Variants in CCNA1 observed in about 807,000 individuals in gnomAD.
CCNA1 encodes cyclin A1.
A neutral mutation model predicts 54.1 loss-of-function variants in CCNA1; 23 were observed. That is an observed-to-expected ratio of 0.42 (90% CI 0.31 to 0.60). The LOEUF (loss-of-function observed/expected upper bound fraction) is 0.60, where lower values mean the gene tolerates loss of function less well. CCNA1 is among the 20% of genes least tolerant of loss of function. The probability of loss-of-function intolerance (pLI) is 0.14; values close to 1 mark genes in which losing one functional copy is unlikely to be tolerated. For missense variants in CCNA1, 450 were observed against 556.7 expected, an observed-to-expected ratio of 0.81 and a Z score of 1.93; for synonymous variants, 208 against 213.9, an observed-to-expected ratio of 0.97 and a Z score of 0.24.
intron 4 of CCNA1, 102 bp downstream of exon 4, chr13:36,438,293 T>C (rs2055832522): frequency 1.0e-6 from 1 of 972,294 alleles, no homozygotes; most frequent in Non-Finnish European, 1.5e-6. Flanking sequence ...ATGGCACTCT[T>C]ATGCCAGCTA....
chr13:36,434,958 T>G (rs1430857817), intron 2 of CCNA1, among the ~76,000 whole-genome samples: 1 of 152,114 alleles, frequency 6.6e-6, no homozygotes, highest in Non-Finnish European at 1.5e-5. Flanking sequence ...CATACAAATA[T>G]ATTGCCATTT....
chr13:36,432,802 T>C, intron 1 of CCNA1, 73 bp downstream of exon 1: 2 of 1,153,304 alleles, frequency 1.7e-6, no homozygotes, highest in East Asian at 2.5e-5. Flanking sequence ...ACACGAAGTC[T>C]TGGGATAAAA....
At chr13:36,436,926 A>G (rs895475063) in intron 2 of CCNA1, among the ~76,000 whole-genome samples, 1 of 152,216 alleles carries the variant, frequency 6.6e-6, no homozygotes, top group Non-Finnish European at 1.5e-5. Flanking sequence ...CATTCATGCC[A>G]TCTGGCATGG....
At position 36,440,120 on chromosome 13, in the gene CCNA1, C is replaced by T. The variant is rs199981149; in HGVS notation, c.1035C>T (p.Asn345=). The stretch of plus-strand genomic sequence containing the variant: ...TTGATCTGACAGTACCAACCACCAA[C>T]CAGTTTCTCCTTCAGTACTTGAGGC... The change falls in exon 6 of 9, where the codon AAC becomes AAT. Residue 345 remains asparagine, a synonymous_variant. Transcript: ENST00000255465. 6.2e-7 allele frequency: 1 copy of T among 1,614,014 alleles called. No homozygotes were observed. The highest frequency in any genetic ancestry group is 1.3e-5 in the African/African-American group (1 of 74,938).
rs1235851492 is a variant in CCNA1 at position 36,440,188 on chromosome 13, G to A, written c.1098+5G>A. The A allele has an allele frequency of 6.2e-7, 1 of 1,612,180 alleles. No individual in the cohort carries two copies. Among genetic ancestry groups the A allele is most frequent in the Non-Finnish European group, 8.5e-7 (1 of 1,178,492 alleles). On this transcript the variant is annotated splice_donor_5th_base_variant and intron_variant, in intron 6 of 8. Transcript: ENST00000255465. ...AGGACTGAGAACCTGGCTAAGGTGT[G>A]TATGCCGCGTGATTTCTAGGAACTT...
At chr13:36,432,185 C>T (rs1248428028), upstream of CCNA1, 2 of 160,640 alleles carry the variant, frequency 1.2e-5, no homozygotes, top group Non-Finnish European at 2.7e-5. Flanking sequence ...GTCGCCATGG[C>T]GATGCGGCCC....
At chr13:36,436,040 C>A (rs143532527) in intron 2 of CCNA1, among the ~76,000 whole-genome samples, 25 of 152,288 alleles carry the variant, frequency 1.6e-4, no homozygotes, top group African/African-American at 5.8e-4. Context: ...TCATGGTTTA[C>A]AATTACTTCC....
chr13:36,442,700 C>T lies in CCNA1; in HGVS notation c.*35C>T. Reference sequence around the variant, plus strand: ...TGGAAGCACTTCCAGAACTTCACCTCCATATCAGAAGTGCCAATAATCGTC... The same window carrying T: ...TGGAAGCACTTCCAGAACTTCACCTTCATATCAGAAGTGCCAATAATCGTC... On this transcript the variant is annotated 3_prime_UTR_variant, in exon 9 of 9. Transcript: ENST00000255465. 6.3e-7 allele frequency: 1 copy of T among 1,578,190 alleles called. No homozygotes were observed. The highest frequency in any genetic ancestry group is 8.7e-7 in the Non-Finnish European group (1 of 1,148,204).
At chr13:36,433,278 G>A (rs1339243879) in intron 2 of CCNA1, 57 bp downstream of exon 2, 1 of 1,425,292 alleles carries the variant, frequency 7.0e-7, no homozygotes, top group Non-Finnish European at 9.5e-7. Flanking sequence ...TCCTGCTTTG[G>A]TGCCAGGTGC....
In CCNA1 at chr13:36,437,646, G is replaced by A. The variant is rs772777206; in HGVS notation, c.315G>A (p.Arg105=). 190 of 1,613,864 alleles carry A rather than the reference G, an allele frequency of 1.2e-4. No homozygotes were observed. Among genetic ancestry groups the A allele is most frequent in the Non-Finnish European group, 1.5e-4 (182 of 1,179,914 alleles). ...TTTTTTAGGGGATCACAAGAATCAG[G>A]TGTTATTCTGGATCAGAAAATGCCT... Residue 105 remains arginine, a synonymous_variant, in exon 3 of 9, where the codon AGG becomes AGA. Coordinates refer to ENST00000255465, the MANE Select transcript of CCNA1 (RefSeq NM_003914.4).
At chr13:36,441,283 C>A in intron 7 of CCNA1, 52 bp downstream of exon 7, 1 of 1,136,992 alleles carries the variant, frequency 8.8e-7, no homozygotes, top group Non-Finnish European at 1.3e-6. Context: ...CTAGAATGGG[C>A]TTGCCTCTTA....
At chr13:36,437,552 G>T in intron 2 of CCNA1, 77 bp from the exon 3 acceptor site, 2 of 1,385,992 alleles carry the variant, frequency 1.4e-6, no homozygotes, top group Non-Finnish European at 2.0e-6. Context: ...CCAGGCTGTT[G>T]GTTTGAGTCA....
rs947316 is a variant in CCNA1, at chr13:36,440,375, A to G, written c.1098+192A>G. On this transcript the variant is annotated intron_variant, in intron 6 of 8. Transcript: ENST00000255465. The stretch of plus-strand genomic sequence containing the variant: ...GTTATAAGGCATTACTATTGACTAT[A>G]TTTGGCAGGCACGGGTTGTCTAATC... Among the ~76,000 whole-genome samples the G allele has an allele frequency of 6.9e-3, 1,048 of 152,276 alleles. 15 individuals are homozygous for G. The highest frequency in any genetic ancestry group is 0.024 in the African/African-American group (980 of 41,540).
chr13:36,438,229 C>A, intron 4 of CCNA1, 38 bp downstream of exon 4: 1 of 1,580,030 alleles, frequency 6.3e-7, no homozygotes, highest in South Asian at 1.2e-5. Context: ...CTTCAGGACC[C>A]GAGCTCTTAT....
chr13:36,433,431 T>G (rs776839195), intron 2 of CCNA1, among the ~76,000 whole-genome samples: 2,033 of 94,546 alleles, frequency 0.022, 114 homozygotes, highest in African/African-American at 0.072. Context: ...TCTTTCTTTC[T>G]TTCTTTCTTT....
chr13:36,432,991 G>A, intron 1 of CCNA1, 42 bp from the exon 2 acceptor site: 1 of 1,576,234 alleles, frequency 6.3e-7, no homozygotes, highest in Non-Finnish European at 8.6e-7. Context: ...CGGGGTGGAC[G>A]GAATCGACTA....
intron 8 of CCNA1, 69 bp from the exon 9 acceptor site, chr13:36,442,545 C>T: frequency 6.6e-7 from 1 of 1,520,600 alleles, no homozygotes; most frequent in Non-Finnish European, 9.1e-7. Context: ...GGAAAGTTTT[C>T]TGTGACCTGA....
intron 2 of CCNA1, among the ~76,000 whole-genome samples, chr13:36,433,537 CT>C (rs1339300389): frequency 1.5e-4 from 16 of 104,660 alleles, no homozygotes; most frequent in Admixed American, 1.1e-4. Flanking sequence ...CTTTCCTTTC[CT>C]TTCCTTCTTT....
chr13:36,440,141 G>C lies in CCNA1; in HGVS notation c.1056G>C (p.Leu352Phe). 6.2e-7 allele frequency: 1 copy of C among 1,614,078 alleles called. No homozygotes were observed. Among genetic ancestry groups the C allele is most frequent in the Non-Finnish European group, 8.5e-7 (1 of 1,179,966 alleles). ...CCAACCAGTTTCTCCTTCAGTACTT[G>C]AGGCGACAAGGAGTGTGCGTCAGGA... The change falls in exon 6 of 9, where the codon TTG becomes TTC. Residue 352 changes from leucine (L) to phenylalanine (F), a missense_variant. This residue lies in a region of CCNA1 where 150 missense variants were observed against 219.7 expected (regional missense o/e 0.68). Coordinates refer to ENST00000255465, the MANE Select transcript of CCNA1 (RefSeq NM_003914.4).
Sources: gnomAD v4.1 joint callset for allele counts (sites outside exome capture counted in the v4.1 genomes callset) on GRCh38, gnomAD v4.1.1 for gene constraint, gnomAD v4.1.1 regional missense constraint, MANE v1.5 for transcripts, NCBI Gene and HGNC (gene_info 2026-07-23, HGNC 2026-07-21) for gene names.